The following OXR1 variants were observed in gnomAD, a reference collection of about 807,000 sequenced individuals.
OXR1 encodes the protein oxidation resistance 1, also known as oxidation resistance protein 1.
Under a neutral mutation model 104.6 loss-of-function variants are expected in OXR1, and 41 were observed. That is an observed-to-expected ratio of 0.39 (90% CI 0.31 to 0.51). The LOEUF is 0.51. OXR1 is among the 20% of genes least tolerant of loss of function. The probability of loss-of-function intolerance (pLI) is 0.77; values close to 1 mark genes in which losing one functional copy is unlikely to be tolerated. For synonymous variants in OXR1, 348 were observed against 348.4 expected (o/e 1.00, Z 0.01); for missense variants, 955 against 1,031.9 (o/e 0.93, Z 1.02).
chr8:106,369,984 C>A (rs1299602823), intron 2 of OXR1, among the ~76,000 whole-genome samples: 1 of 152,112 alleles, frequency 6.6e-6, no homozygotes, highest in Non-Finnish European at 1.5e-5. Context: ...TAAATTACTT[C>A]GGGCTGTTTG....
chr8:106,418,550 C>G (rs905809839), intron 2 of OXR1, among the ~76,000 whole-genome samples: 2 of 151,584 alleles, frequency 1.3e-5, no homozygotes, highest in Non-Finnish European at 2.9e-5. Flanking sequence ...TTTAAGAGTG[C>G]TTTAAAATAG....
intron 2 of OXR1, among the ~76,000 whole-genome samples, chr8:106,459,530 C>T (rs1820793322): frequency 6.6e-6 from 1 of 152,012 alleles, no homozygotes. Flanking sequence ...AGCCAGCATA[C>T]TCTTATCTGA....
At chr8:106,672,498 AAGAGAGAGAAAGAAAGAAAGAG>A (rs1302589346) in intron 3 of OXR1, among the ~76,000 whole-genome samples, 4 of 108,936 alleles carry the variant, frequency 3.7e-5, no homozygotes, top group Non-Finnish European at 6.2e-5. Flanking sequence ...GAAAGAAAGA[AAGAGAGAGAAAGAAAGAAAGAG>A]AGAGAGAGAG....
intron 2 of OXR1, among the ~76,000 whole-genome samples, chr8:106,387,157 A>G (rs1817409122): frequency 6.6e-6 from 1 of 152,250 alleles, no homozygotes; most frequent in Non-Finnish European, 1.5e-5. Flanking sequence ...TGCCTCTTAC[A>G]TATAAATAAG....
intron 3 of OXR1, chr8:106,604,743 G>C (rs942969236): frequency 6.6e-6 from 1 of 152,160 alleles, no homozygotes; most frequent in African/African-American, 2.4e-5. Context: ...CCTATCTTTC[G>C]ATAATTGTGA....
At chr8:106,541,448 T>C (rs1370363434) in intron 3 of OXR1, among the ~76,000 whole-genome samples, 1 of 152,230 alleles carries the variant, frequency 6.6e-6, no homozygotes, top group Non-Finnish European at 1.5e-5. Flanking sequence ...AGCACTGTAT[T>C]GTTTACATTA....
chr8:106,351,224 C>A (rs1234282520), intron 1 of OXR1, among the ~76,000 whole-genome samples: 1 of 152,130 alleles, frequency 6.6e-6, no homozygotes, highest in Non-Finnish European at 1.5e-5. Context: ...GTCCTAGGCA[C>A]CGTGCTAGGC....
At chr8:106,318,163 A>T (rs1388475808) in intron 1 of OXR1, among the ~76,000 whole-genome samples, 2 of 152,134 alleles carry the variant, frequency 1.3e-5, no homozygotes, top group Admixed American at 6.5e-5. Context: ...ATTGATTATT[A>T]AAAAAAATCA....
At chr8:106,455,613 C>G (rs1820557148) in intron 2 of OXR1, among the ~76,000 whole-genome samples, 1 of 152,094 alleles carries the variant, frequency 6.6e-6, no homozygotes, top group Non-Finnish European at 1.5e-5. Flanking sequence ...GAGTTGCCAA[C>G]AAAGGAACAG....
At chr8:106,708,370 G>C (rs191848050) in intron 9 of OXR1, among the ~76,000 whole-genome samples, 2 of 152,224 alleles carry the variant, frequency 1.3e-5, no homozygotes, top group African/African-American at 2.4e-5. Context: ...CTGCACTCCA[G>C]CCTGAGCAAC....
At chr8:106,327,116 C>A (rs1015261352) in intron 1 of OXR1, among the ~76,000 whole-genome samples, 45 of 152,090 alleles carry the variant, frequency 3.0e-4, no homozygotes, top group African/African-American at 9.6e-4. Flanking sequence ...GACCATCATA[C>A]CATTTTTTAA....
In OXR1 at chr8:106,536,219, C is replaced by CA. The variant is rs535365640; in HGVS notation, c.220+17090dup. 1.8e-4 allele frequency among the ~76,000 whole-genome samples: 17 copies of CA among 94,854 alleles called. No homozygotes were observed. In the South Asian group the frequency reaches 2.3e-3, roughly 13 times the overall value. The allele number at this position is 94,854 out of a possible 152,430, so 62.2% of individuals were successfully genotyped here. A position where few individuals can be genotyped will look rare whatever the true frequency, so the allele number is the denominator to read the frequency against. ...AGGGCGACAGAGCAAGACTCTGTCTCAAAAAAAAAAGAAAGAAAGAAAGAA... is the reference window on the plus strand; with the variant it reads ...AGGGCGACAGAGCAAGACTCTGTCTCAAAAAAAAAAAGAAAGAAAGAAAGAA... On this transcript the variant is annotated intron_variant, in intron 3 of 16. Coordinates refer to ENST00000517566, the MANE Select transcript of OXR1 (RefSeq NM_001198533.2).
At chr8:106,715,826 A>G (rs1832188993) in intron 11 of OXR1, among the ~76,000 whole-genome samples, 1 of 152,162 alleles carries the variant, frequency 6.6e-6, no homozygotes, top group Admixed American at 6.5e-5. Context: ...TGCAGGGTAT[A>G]ATTTCTAAAG....
At chr8:106,739,069 A>G (rs955646006) in intron 12 of OXR1, among the ~76,000 whole-genome samples, 2 of 108,776 alleles carry the variant, frequency 1.8e-5, no homozygotes, top group African/African-American at 6.8e-5. Context: ...TCTATTTTAA[A>G]TAGCATACAC....
At chr8:106,286,732 T>G (rs576796528) in intron 1 of OXR1, among the ~76,000 whole-genome samples, 4 of 152,214 alleles carry the variant, frequency 2.6e-5, no homozygotes, top group Non-Finnish European at 5.9e-5. Flanking sequence ...CTTTGCCATT[T>G]GAAATCCATG....
intron 3 of OXR1, among the ~76,000 whole-genome samples, chr8:106,671,737 A>G (rs960545710): frequency 6.8e-6 from 1 of 147,510 alleles, no homozygotes; most frequent in East Asian, 2.0e-4. Flanking sequence ...CAAACACTGC[A>G]TGTTCTCACT....
chr8:106,706,750 A>T lies in OXR1; in HGVS notation c.1229A>T (p.His410Leu). Residue 410 changes from histidine to leucine, a missense_variant, in exon 9 of 17, where the codon CAT becomes CTT. Physicochemically the swap from His to Leu is moderately conservative, Grantham distance 99. Transcript: ENST00000517566. ...ACAAATGAAGTTGGGACTTTATGTC[A>T]TAAAACTGATTTAAATAATCTTGAA... Reference protein sequence around the residue: ...HSTNEVGTLCHKTDLNNLEMA... With the variant: ...HSTNEVGTLCLKTDLNNLEMA... 6.2e-7 allele frequency: 1 copy of T among 1,612,526 alleles called. No individual in the cohort carries two copies. The highest frequency in any genetic ancestry group is 8.5e-7 in the Non-Finnish European group (1 of 1,179,682).
intron 2 of OXR1, among the ~76,000 whole-genome samples, chr8:106,421,962 G>A (rs1213200603): frequency 6.6e-6 from 1 of 152,080 alleles, no homozygotes; most frequent in Admixed American, 6.6e-5. Flanking sequence ...TAATTCTCTA[G>A]CCATAGAGGC....
At chr8:106,485,552 T>C (rs1224895872) in intron 2 of OXR1, among the ~76,000 whole-genome samples, 2 of 152,082 alleles carry the variant, frequency 1.3e-5, no homozygotes, top group Non-Finnish European at 2.9e-5. Context: ...AGTGTTAGTC[T>C]CAGCCATTTG....
Sources: allele counts gnomAD v4.1 joint callset (sites outside exome capture counted in the v4.1 genomes callset), GRCh38; gene constraint gnomAD v4.1.1; transcripts MANE v1.5; gene names NCBI Gene and HGNC (gene_info 2026-07-23, HGNC 2026-07-21).